HMCN1: variants seen among roughly 807,000 people sequenced by gnomAD.
The protein encoded by HMCN1 is hemicentin 1.
A neutral mutation model predicts 625.9 loss-of-function variants in HMCN1; 321 were observed. That is an observed-to-expected ratio of 0.51 (90% CI 0.47 to 0.56). The LOEUF is 0.56. Ranked by LOEUF, HMCN1 falls within the 20% of genes least tolerant of loss-of-function variation. HMCN1 has a pLI of 0.00. For synonymous variants in HMCN1, 2,425 were observed against 2,417.6 expected (o/e 1.00, Z -0.09); for missense variants, 6,588 against 6,887.3 (o/e 0.96, Z 1.54).
At chr1:186,065,188 C>A in intron 48 of HMCN1, 50 bp from the exon 49 acceptor site, 1 of 1,465,240 alleles carries the variant, frequency 6.8e-7, no homozygotes. Context: ...AAAGTTTATT[C>A]ATTCTATACA....
chr1:185,828,314 A>G (rs1002526619), intron 1 of HMCN1, among the ~76,000 whole-genome samples: 2 of 152,196 alleles, frequency 1.3e-5, no homozygotes, highest in African/African-American at 2.4e-5. Context: ...CAAATTTAAA[A>G]TAAGTGAGGG....
chr1:186,119,309 C>CTATT lies in HMCN1; in HGVS notation c.11956+14_11956+17dup. 1 of 1,599,774 alleles carries CTATT rather than the reference C, an allele frequency of 6.3e-7. No individual in the cohort carries two copies. The highest frequency in any genetic ancestry group is 1.3e-5 in the African/African-American group (1 of 74,682). Reference sequence around the variant, plus strand: ...CCCTTCATGTTCATGGTATGGAAGGCTATTTACTCATTCAAAGTTCGCTGG... The same window carrying CTATT: ...CCCTTCATGTTCATGGTATGGAAGGCTATTTATTTACTCATTCAAAGTTCGCTGG... On this transcript the variant is annotated intron_variant, in intron 78 of 106. Coordinates refer to ENST00000271588, the MANE Select transcript of HMCN1 (RefSeq NM_031935.3).
At position 186,017,038 on chromosome 1, in the gene HMCN1, G is replaced by A. The variant is rs1050123041; in HGVS notation, c.5267G>A (p.Cys1756Tyr). The A allele has an allele frequency of 1.2e-6, 2 of 1,607,344 alleles. No homozygotes were observed. The highest frequency in any genetic ancestry group is 1.7e-5 in the Admixed American group (1 of 59,938). Residue 1756 changes from cysteine (C) to tyrosine (Y), a missense_variant, in exon 33 of 107, where the codon TGT becomes TAT. This residue lies in a region of HMCN1 where 4,628 missense variants were observed against 4,853.1 expected (regional missense o/e 0.95). Coordinates refer to ENST00000271588, the MANE Select transcript of HMCN1 (RefSeq NM_031935.3). Reference protein sequence around the residue: ...VMVNNLLELDCHVTGSPPPTI... With the variant: ...VMVNNLLELDYHVTGSPPPTI... ...GTTAATAACTTACTGGAGCTAGATT[G>A]TCATGTGACAGGCTCTCCCCCACCA... is the stretch of plus-strand genomic sequence containing the variant.
intron 36 of HMCN1, 105 bp from the exon 37 acceptor site, chr1:186,037,829 G>GA (rs1655937029): frequency 2.7e-6 from 2 of 744,886 alleles, no homozygotes; most frequent in Admixed American, 2.0e-5. Flanking sequence ...GTATATATGT[G>GA]AAAAAAAGAA....
intron 97 of HMCN1, among the ~76,000 whole-genome samples, chr1:186,154,242 G>A (rs1362731288): frequency 6.6e-6 from 1 of 152,138 alleles, no homozygotes; most frequent in Non-Finnish European, 1.5e-5. Context: ...TGCAGAGAGG[G>A]TTAAAAACAT....
intron 52 of HMCN1, among the ~76,000 whole-genome samples, chr1:186,071,201 T>A (rs1430394798): frequency 6.6e-6 from 1 of 152,150 alleles, no homozygotes; most frequent in African/African-American, 2.4e-5. Context: ...ATGACAGGTA[T>A]AACATGGGTA....
At chr1:186,163,340 C>T (rs562548411) in intron 97 of HMCN1, among the ~76,000 whole-genome samples, 2 of 152,340 alleles carry the variant, frequency 1.3e-5, no homozygotes, top group Admixed American at 1.3e-4. Context: ...AACGGGAACT[C>T]CCTGACCTCT....
chr1:186,017,046 A>G lies in HMCN1; in HGVS notation c.5275A>G (p.Thr1759Ala). The G allele has an allele frequency of 6.2e-7, 1 of 1,604,148 alleles. No homozygotes were observed. The change falls in exon 33 of 107, where the codon ACA (threonine) becomes GCA (alanine). Residue 1759 changes from threonine to alanine, a missense_variant. By Grantham distance (58) the Thr-to-Ala change is moderately conservative (BLOSUM62 0). Transcript: ENST00000271588. The part of the protein sequence containing the change: ...NNLLELDCHV[T>A]GSPPPTIMWL... ...CTTACTGGAGCTAGATTGTCATGTG[A>G]CAGGCTCTCCCCCACCAACTATCAT...
intron 46 of HMCN1, among the ~76,000 whole-genome samples, chr1:186,057,710 A>G (rs1657432291): frequency 6.6e-6 from 1 of 152,032 alleles, no homozygotes; most frequent in African/African-American, 2.4e-5. Flanking sequence ...AATTATAGGA[A>G]GTGCTGAAAT....
chr1:186,166,808 A>G lies in HMCN1; in HGVS notation c.15440A>G (p.Asp5147Gly), dbSNP rs753680881. Reference sequence around the variant, plus strand: ...AGTTGAATGATTCCCTCTGTTGCAGATATTGATGAGTGTGCTTTGGGTAGG... The same window carrying G: ...AGTTGAATGATTCCCTCTGTTGCAGGTATTGATGAGTGTGCTTTGGGTAGG... ...TIAADGRTCQDIDECALGRHT... is the reference protein window; with the variant it reads ...TIAADGRTCQGIDECALGRHT... Residue 5147 changes from aspartate (D) to glycine (G), a missense_variant and splice_region_variant, in exon 100 of 107, where the codon GAT becomes GGT. This residue lies in a region of HMCN1 where 1,954 missense variants were observed against 2,013.1 expected (regional missense o/e 0.97). Coordinates refer to ENST00000271588, the MANE Select transcript of HMCN1 (RefSeq NM_031935.3). 11 of 1,614,060 alleles carry G rather than the reference A, an allele frequency of 6.8e-6. No individual in the cohort carries two copies. The highest frequency in any genetic ancestry group is 2.5e-6 in the Non-Finnish European group (3 of 1,179,996).
At position 186,023,196 on chromosome 1, in the gene HMCN1, CT is replaced by C. The variant is rs1440334271; in HGVS notation, c.5749+48del. 7 of 1,564,508 alleles carry C rather than the reference CT, an allele frequency of 4.5e-6. No individual in the cohort carries two copies. The African/African-American group carries it at 6.8e-5, about 15-fold the overall frequency. The stretch of plus-strand genomic sequence containing the variant: ...CCTTAACAAAAGAATATTTGTATCA[CT>C]TTTTAAAAACATAGTGGGCTCATTT... On this transcript the variant is annotated intron_variant, in intron 36 of 106. Transcript: ENST00000271588.
At chr1:185,740,837 T>C (rs1162087875) in intron 1 of HMCN1, among the ~76,000 whole-genome samples, 1 of 151,760 alleles carries the variant, frequency 6.6e-6, no homozygotes, top group Non-Finnish European at 1.5e-5. Context: ...CCACTAAAAA[T>C]ACAAAAATTA....
intron 4 of HMCN1, among the ~76,000 whole-genome samples, chr1:185,876,621 G>A (rs528806693): frequency 8.6e-5 from 13 of 152,000 alleles, no homozygotes; most frequent in Middle Eastern, 3.4e-3. Flanking sequence ...GTCAGAAATG[G>A]GATCTCATTT....
chr1:185,960,508 A>G (rs965348167), intron 11 of HMCN1, among the ~76,000 whole-genome samples: 4 of 152,218 alleles, frequency 2.6e-5, no homozygotes, highest in African/African-American at 7.2e-5. Flanking sequence ...TGTTGCACAC[A>G]GACTTATTTC....
At chr1:185,881,932 T>C (rs1341191711) in intron 4 of HMCN1, among the ~76,000 whole-genome samples, 1 of 152,178 alleles carries the variant, frequency 6.6e-6, no homozygotes, top group Admixed American at 6.5e-5. Context: ...TGTTTTCTCT[T>C]TTTGGATTTT....
At chr1:185,942,944 G>A (rs1005662458) in intron 11 of HMCN1, among the ~76,000 whole-genome samples, 1 of 151,602 alleles carries the variant, frequency 6.6e-6, no homozygotes, top group African/African-American at 2.4e-5. Context: ...AATGGATACT[G>A]CAAGAGGGGG....
chr1:185,914,522 A>G (rs1470199824), intron 6 of HMCN1, among the ~76,000 whole-genome samples: 3 of 152,042 alleles, frequency 2.0e-5, no homozygotes, highest in Non-Finnish European at 4.4e-5. Context: ...CAATCTTTCT[A>G]GTTATCTTCT....
At chr1:186,089,123 AAAG>A (rs1009266363) in intron 63 of HMCN1, among the ~76,000 whole-genome samples, 7 of 152,028 alleles carry the variant, frequency 4.6e-5, no homozygotes, top group African/African-American at 1.7e-4. Flanking sequence ...TTTAATTCAC[AAAG>A]AAGTTGTACT....
chr1:186,159,596 T>C (rs1250699261), intron 97 of HMCN1, among the ~76,000 whole-genome samples: 3 of 152,170 alleles, frequency 2.0e-5, no homozygotes, highest in Non-Finnish European at 2.9e-5. Flanking sequence ...TACGTCCCAT[T>C]AATACCTAAC....
Sources: gnomAD v4.1 joint callset for allele counts (sites outside exome capture counted in the v4.1 genomes callset) on GRCh38, gnomAD v4.1.1 for gene constraint, gnomAD v4.1.1 regional missense constraint, MANE v1.5 for transcripts, NCBI Gene and HGNC (gene_info 2026-07-23, HGNC 2026-07-21) for gene names.